COL14A1: variants seen among roughly 807,000 people sequenced by gnomAD.
COL14A1 encodes the protein collagen type XIV alpha 1 chain.
A neutral mutation model predicts 230.3 loss-of-function variants in COL14A1; 136 were observed. The observed-to-expected ratio is 0.59, with a 90% CI of 0.51 to 0.68. The LOEUF is 0.68. Ranked by LOEUF, COL14A1 falls within the 30% of genes least tolerant of loss-of-function variation. The pLI is 0.00. For missense variants in COL14A1, 1,976 were observed against 2,215.8 expected, an observed-to-expected ratio of 0.89 and a Z score of 2.17; for synonymous variants, 792 against 784.1, an observed-to-expected ratio of 1.01 and a Z score of -0.17.
At chr8:120,174,176 C>T (rs1472889021) in intron 5 of COL14A1, among the ~76,000 whole-genome samples, 1 of 151,872 alleles carries the variant, frequency 6.6e-6, no homozygotes, top group Non-Finnish European at 1.5e-5. Context: ...CCGTCTTATC[C>T]TTTGTATGTT....
chr8:120,164,740 G>T (rs1443444044), intron 4 of COL14A1, among the ~76,000 whole-genome samples: 6 of 152,162 alleles, frequency 3.9e-5, no homozygotes, highest in Non-Finnish European at 7.3e-5. Flanking sequence ...TCAGCCTTCT[G>T]TCTCATTTTA....
In COL14A1 at chr8:120,283,686, T is replaced by G. The variant is rs749842395; in HGVS notation, c.3875T>G (p.Phe1292Cys). 2.5e-6 allele frequency: 4 copies of G among 1,613,764 alleles called. No individual in the cohort carries two copies. The highest frequency in any genetic ancestry group is 3.4e-6 in the Non-Finnish European group (4 of 1,179,896). ...LPSDYTISFL[F>C]RILPDTPQEP... ...TCCGACTACACAATCAGTTTTCTAT[T>G]CCGGATTCTTCCTGACACTCCACAG... is the stretch of plus-strand genomic sequence containing the variant. Residue 1292 changes from phenylalanine to cysteine, a missense_variant, in exon 32 of 48, where the codon TTC (phenylalanine) becomes TGC (cysteine). Physicochemically the swap from Phe to Cys is radical, Grantham distance 205. Around this residue, in one of 3 missense-constraint regions of COL14A1, gnomAD observed 1,791 missense variants for 2,019.5 expected, o/e 0.89. Transcript: ENST00000297848.
chr8:120,229,716 A>T (rs886074077), intron 18 of COL14A1, among the ~76,000 whole-genome samples: 20 of 152,180 alleles, frequency 1.3e-4, no homozygotes, highest in African/African-American at 4.8e-4. Context: ...GAACTAGTTT[A>T]CAGTCCCACC....
intron 17 of COL14A1, among the ~76,000 whole-genome samples, chr8:120,227,848 G>A (rs887131402): frequency 2.6e-5 from 4 of 152,110 alleles, no homozygotes; most frequent in Non-Finnish European, 5.9e-5. Flanking sequence ...ATGAGGTATT[G>A]ACCACATATT....
chr8:120,178,079 T>TG (rs1816342840), intron 5 of COL14A1, among the ~76,000 whole-genome samples: 2 of 152,280 alleles, frequency 1.3e-5, no homozygotes, highest in South Asian at 2.1e-4. Flanking sequence ...CCTGTTTTTT[T>TG]TTTTGTTTGT....
At position 120,208,657 on chromosome 8, in the gene COL14A1, A is replaced by G. The variant is rs180786391; in HGVS notation, c.1321+296A>G. ...TTAAATAAGTGTTTAGTAAATGCCTATTATGAACTAAGAATTGTCCTTGAA... is the reference window on the plus strand; with the variant it reads ...TTAAATAAGTGTTTAGTAAATGCCTGTTATGAACTAAGAATTGTCCTTGAA... On this transcript the variant is annotated intron_variant, in intron 11 of 47. Coordinates refer to ENST00000297848, the MANE Select transcript of COL14A1 (RefSeq NM_021110.4). Among the ~76,000 whole-genome samples, 24 of 152,338 alleles carry G rather than the reference A, an allele frequency of 1.6e-4. 1 individual carries two copies. In the East Asian group the frequency reaches 4.6e-3, roughly 29 times the overall value.
chr8:120,285,393 G>A (rs183462437), intron 32 of COL14A1, among the ~76,000 whole-genome samples: 179 of 145,834 alleles, frequency 1.2e-3, no homozygotes, highest in Admixed American at 1.7e-3. Context: ...GAACCCAGGA[G>A]GTGGAGCTTG....
intron 31 of COL14A1, among the ~76,000 whole-genome samples, chr8:120,282,049 C>T (rs567449485): frequency 8.5e-5 from 13 of 152,158 alleles, no homozygotes; most frequent in South Asian, 6.2e-4. Flanking sequence ...CATGCTGGTG[C>T]GCTGCACCCA....
rs574689053 is a variant in COL14A1 at position 120,370,945 on chromosome 8, C to A, written c.5312-207C>A. On this transcript the variant is annotated intron_variant, in intron 47 of 47. Coordinates refer to ENST00000297848, the MANE Select transcript of COL14A1 (RefSeq NM_021110.4). ...GTTGGTTATGATTCTAGTTTTCTAA[C>A]AATTTCTGTAATGTATCTTTCCCTT... 499 of 1,132,412 alleles carry A rather than the reference C, an allele frequency of 4.4e-4. 3 individuals carry two copies. The highest frequency in any genetic ancestry group is 2.6e-3 in the East Asian group (92 of 35,784). The allele number at this position is 1,132,412 out of a possible 1,614,324, so 70.1% of individuals were successfully genotyped here.
intron 6 of COL14A1, among the ~76,000 whole-genome samples, chr8:120,197,261 A>C (rs1009425362): frequency 6.6e-5 from 10 of 152,216 alleles, no homozygotes; most frequent in African/African-American, 2.2e-4. Context: ...AGAAATAGCT[A>C]AATCTAGGAA....
In COL14A1 at chr8:120,370,327, C is replaced by T. The variant is rs750500221; in HGVS notation, c.5312-825C>T. Reference sequence around the variant, plus strand: ...CCCTGTTCTCTCAAATACTCCTATCCTTATTAAGATCTGATCCCCTACAAT... The same window carrying T: ...CCCTGTTCTCTCAAATACTCCTATCTTTATTAAGATCTGATCCCCTACAAT... On this transcript the variant is annotated intron_variant, in intron 47 of 47. Transcript: ENST00000297848. 32 of 1,611,132 alleles carry T rather than the reference C, an allele frequency of 2.0e-5. 1 individual carries two copies. In the South Asian group the frequency reaches 2.9e-4, roughly 14 times the overall value.
intron 24 of COL14A1, 65 bp from the exon 25 acceptor site, chr8:120,266,762 T>A (rs1586817539): frequency 7.6e-7 from 1 of 1,317,066 alleles, no homozygotes; most frequent in East Asian, 2.3e-5. Context: ...TATTACTCCA[T>A]GACCTTCCGC....
chr8:120,356,315 G>A (rs73331066), intron 45 of COL14A1, among the ~76,000 whole-genome samples: 3,111 of 152,310 alleles, frequency 0.02, 107 homozygotes, highest in African/African-American at 0.07. Context: ...ATTGTTAATT[G>A]TCCAAGGTCA....
At chr8:120,230,993 C>T (rs1818249435) in intron 18 of COL14A1, among the ~76,000 whole-genome samples, 1 of 152,120 alleles carries the variant, frequency 6.6e-6, no homozygotes, top group Non-Finnish European at 1.5e-5. Context: ...CAGATTTGTG[C>T]TTTGAATGAC....
chr8:120,152,378 G>A (rs947532236), intron 2 of COL14A1, among the ~76,000 whole-genome samples: 1 of 147,054 alleles, frequency 6.8e-6, no homozygotes, highest in Non-Finnish European at 1.5e-5. Flanking sequence ...GCTGAGGCAG[G>A]AGAATGGCGT....
At position 120,289,478 on chromosome 8, in the gene COL14A1, G is replaced by T. The variant is rs142598669; in HGVS notation, c.4078-130G>T. ...ATAAAAGTAGAAATTTTCTCTTTTGGCAAAATACATGGTGACAGAATTCTT... is the reference window on the plus strand; with the variant it reads ...ATAAAAGTAGAAATTTTCTCTTTTGTCAAAATACATGGTGACAGAATTCTT... On this transcript the variant is annotated intron_variant, in intron 33 of 47. Transcript: ENST00000297848. 2.0e-5 allele frequency: 17 copies of T among 836,686 alleles called. 1 individual carries two copies. In the South Asian group the frequency reaches 3.1e-4, roughly 15 times the overall value. 51.8% of individuals were successfully genotyped at this position (836,686 alleles called of 1,614,324 possible).
rs375133848 is a variant in COL14A1, at chr8:120,134,713, G to T, written c.-38+9373G>T. On this transcript the variant is annotated intron_variant, in intron 1 of 47. Coordinates refer to ENST00000297848, the MANE Select transcript of COL14A1 (RefSeq NM_021110.4). ...CTCCTAGCTGAGTGTGGTGGCTCAC[G>T]CTTGTAATCCCAGCACTTTGGGAGG... is the stretch of plus-strand genomic sequence containing the variant. Among the ~76,000 whole-genome samples, 11 of 152,242 alleles carry T rather than the reference G, an allele frequency of 7.2e-5. No homozygotes were observed. The East Asian group carries it at 1.5e-3, about 21-fold the overall frequency.
chr8:120,216,218 TA>T (rs1817744208), intron 13 of COL14A1, 132 bp from the exon 14 acceptor site: 1 of 685,540 alleles, frequency 1.5e-6, no homozygotes, highest in African/African-American at 1.8e-5. Flanking sequence ...ATACACTGGT[TA>T]TTTCAGTGTT....
intron 18 of COL14A1, among the ~76,000 whole-genome samples, chr8:120,229,283 C>T (rs1360144572): frequency 1.6e-5 from 2 of 122,724 alleles, no homozygotes; most frequent in East Asian, 5.6e-4. Flanking sequence ...CACAACAGTC[C>T]CCAGAGTCTG....
Sources: allele counts gnomAD v4.1 joint callset (sites outside exome capture counted in the v4.1 genomes callset), GRCh38; gene constraint gnomAD v4.1.1; regional missense constraint gnomAD v4.1.1; transcripts MANE v1.5; gene names NCBI Gene and HGNC (gene_info 2026-07-23, HGNC 2026-07-21).